TMEM135: variants seen among roughly 807,000 people sequenced by gnomAD.
TMEM135 encodes the protein peroxisomal membrane protein 52.
In TMEM135, 30 loss-of-function variants were observed where a neutral mutation model predicts 60.3. The observed-to-expected ratio is 0.50, with a 90% CI of 0.37 to 0.68. The LOEUF is 0.68. Among genes scored for constraint, TMEM135 ranks in the 30% least tolerant of loss-of-function variants. TMEM135 has a pLI of 0.00. For missense variants in TMEM135, 468 were observed against 548.8 expected, an observed-to-expected ratio of 0.85 and a Z score of 1.47; for synonymous variants, 190 against 186.7, an observed-to-expected ratio of 1.02 and a Z score of -0.14.
intron 6 of TMEM135, among the ~76,000 whole-genome samples, chr11:87,282,226 C>T (rs1212470494): frequency 6.6e-6 from 1 of 151,890 alleles, no homozygotes; most frequent in Non-Finnish European, 1.5e-5. Context: ...GATAGGAGAA[C>T]ATGTGGAAGT....
chr11:87,234,020 G>A (rs1940942251), intron 5 of TMEM135, among the ~76,000 whole-genome samples: 1 of 152,032 alleles, frequency 6.6e-6, no homozygotes, highest in South Asian at 2.1e-4. Flanking sequence ...AGCTAAAAAT[G>A]AAATGTTGTT....
chr11:87,258,761 T>A (rs1033238231), intron 6 of TMEM135: 20 of 442,568 alleles, frequency 4.5e-5, no homozygotes, highest in African/African-American at 3.8e-4. Context: ...GTGCCAAAGT[T>A]AAAAAAAAAT....
intron 5 of TMEM135, among the ~76,000 whole-genome samples, chr11:87,168,880 A>ATTTG (rs1939144676): frequency 6.6e-6 from 1 of 151,670 alleles, no homozygotes; most frequent in Non-Finnish European, 1.5e-5. Flanking sequence ...TGTCTCGTTG[A>ATTTG]TCTAATATGG....
intron 5 of TMEM135, among the ~76,000 whole-genome samples, chr11:87,218,555 A>G (rs1940550769): frequency 6.6e-6 from 1 of 152,170 alleles, no homozygotes; most frequent in Non-Finnish European, 1.5e-5. Flanking sequence ...ATATTGCTTT[A>G]GTAGTTTTTC....
rs149275668 is a variant in TMEM135 at position 87,190,622 on chromosome 11, G to A, written c.462+33216G>A. ...ACTATTTGTCATTAATGTTAAGGAA[G>A]CTAGCATTAATATGAAGGAGATTCC... On this transcript the variant is annotated intron_variant, in intron 5 of 14. Transcript: ENST00000305494. 2.0e-3 allele frequency among the ~76,000 whole-genome samples: 298 copies of A among 152,230 alleles called. 1 individual carries two copies. Among genetic ancestry groups the A allele is most frequent in the African/African-American group, 6.8e-3 (284 of 41,546 alleles).
At chr11:87,136,382 T>A (rs1332956562) in intron 4 of TMEM135, among the ~76,000 whole-genome samples, 1 of 152,044 alleles carries the variant, frequency 6.6e-6, no homozygotes, top group Non-Finnish European at 1.5e-5. Context: ...TCTTCTTATA[T>A]ATTGTTGGAT....
intron 7 of TMEM135, 99 bp downstream of exon 7, chr11:87,295,922 T>C: frequency 2.1e-6 from 2 of 970,618 alleles, no homozygotes; most frequent in Non-Finnish European, 3.2e-6. Context: ...GCATTTAAAC[T>C]GAAAATAATT....
chr11:87,212,524 C>T (rs1940394737), intron 5 of TMEM135, among the ~76,000 whole-genome samples: 1 of 152,064 alleles, frequency 6.6e-6, no homozygotes, highest in Non-Finnish European at 1.5e-5. Context: ...CCAAGGCTCA[C>T]GTATATAAAT....
chr11:87,091,210 A>T (rs1857198327), intron 3 of TMEM135, 152 bp from the exon 4 acceptor site: 1 of 615,674 alleles, frequency 1.6e-6, no homozygotes, highest in Admixed American at 3.0e-5. Context: ...TCAGAGAGAA[A>T]TTAGTTCGGC....
chr11:87,255,149 T>G (rs1046963312), intron 6 of TMEM135, among the ~76,000 whole-genome samples: 1 of 151,986 alleles, frequency 6.6e-6, no homozygotes, highest in Non-Finnish European at 1.5e-5. Flanking sequence ...GACAGCACAG[T>G]AAATGGGACT....
At chr11:87,209,235 C>T (rs1555118265) in intron 5 of TMEM135, among the ~76,000 whole-genome samples, 1 of 152,070 alleles carries the variant, frequency 6.6e-6, no homozygotes, top group Non-Finnish European at 1.5e-5. Flanking sequence ...CTGAATGCCC[C>T]ACTAAAAGGC....
chr11:87,274,785 A>T (rs11600202), intron 6 of TMEM135, among the ~76,000 whole-genome samples: 1 of 79,450 alleles, frequency 1.3e-5, no homozygotes, highest in South Asian at 4.9e-4. Context: ...ACATAGCAAG[A>T]CTGTGTGTGT....
chr11:87,247,200 C>T (rs185859620), intron 6 of TMEM135, among the ~76,000 whole-genome samples: 8 of 152,222 alleles, frequency 5.3e-5, no homozygotes, highest in East Asian at 3.9e-4. Context: ...GATGTCTGAT[C>T]GTTCCTCTGG....
chr11:87,171,269 A>C (rs370839187), intron 5 of TMEM135, among the ~76,000 whole-genome samples: 5 of 151,854 alleles, frequency 3.3e-5, no homozygotes, highest in African/African-American at 9.7e-5. Flanking sequence ...CATCAAAACA[A>C]CTTTCCATTT....
rs536090335 is a variant in TMEM135 at position 87,217,678 on chromosome 11, G to A, written c.463-18960G>A. On this transcript the variant is annotated intron_variant, in intron 5 of 14. Coordinates refer to ENST00000305494, the MANE Select transcript of TMEM135 (RefSeq NM_022918.4). Reference sequence around the variant, plus strand: ...CTCATGCCTGTAATCCCAGCTACTCGGGAGCCTGAGGCAGGAGAATCGCTT... The same window carrying A: ...CTCATGCCTGTAATCCCAGCTACTCAGGAGCCTGAGGCAGGAGAATCGCTT... Among the ~76,000 whole-genome samples the A allele has an allele frequency of 1.3e-4, 20 of 152,044 alleles. No individual in the cohort carries two copies. In the South Asian group the frequency reaches 4.2e-3, roughly 32 times the overall value.
intron 1 of TMEM135, among the ~76,000 whole-genome samples, chr11:87,066,270 A>G (rs992845469): frequency 2.0e-5 from 3 of 152,086 alleles, no homozygotes; most frequent in Admixed American, 2.0e-4. Flanking sequence ...TATGATGGAG[A>G]AGTACTCTTT....
chr11:87,039,705 A>G (rs1949734503), intron 1 of TMEM135, among the ~76,000 whole-genome samples: 2 of 152,244 alleles, frequency 1.3e-5, no homozygotes, highest in African/African-American at 4.8e-5. Context: ...AGCTCTTGAT[A>G]TACAACTATA....
chr11:87,118,854 G>A (rs2135210438), intron 4 of TMEM135, among the ~76,000 whole-genome samples: 1 of 152,228 alleles, frequency 6.6e-6, no homozygotes, highest in South Asian at 2.1e-4. Context: ...TCACACTTCT[G>A]CAATTTCCTC....
At chr11:87,148,799 C>G (rs1056256692) in intron 4 of TMEM135, among the ~76,000 whole-genome samples, 2 of 152,006 alleles carry the variant, frequency 1.3e-5, no homozygotes, top group Admixed American at 6.6e-5. Context: ...ATTTCTGAGA[C>G]TAGACCTTTC....
Sources: allele counts gnomAD v4.1 joint callset (sites outside exome capture counted in the v4.1 genomes callset), GRCh38; gene constraint gnomAD v4.1.1; transcripts MANE v1.5; gene names NCBI Gene and HGNC (gene_info 2026-07-23, HGNC 2026-07-21).